The following ITGA2 variants were observed in gnomAD, a reference collection of about 807,000 sequenced individuals.
ITGA2 encodes the protein integrin subunit alpha 2, also known as integrin alpha-2.
A neutral mutation model predicts 146.3 loss-of-function variants in ITGA2; 101 were observed. The ratio of observed to expected loss-of-function variants is 0.69; its 90% confidence interval spans 0.59 to 0.81. ITGA2 has a LOEUF of 0.81. Ranked by LOEUF, ITGA2 falls within the 40% of genes least tolerant of loss-of-function variation. ITGA2 has a pLI of 0.00. For missense variants in ITGA2, 1,281 were observed against 1,402.7 expected (o/e 0.91, Z 1.39); for synonymous variants, 477 against 487.1 (o/e 0.98, Z 0.27).
chr5:53,087,107 T>G, intron 28 of ITGA2, 66 bp downstream of exon 28: 1 of 1,083,564 alleles, frequency 9.2e-7, no homozygotes. Context: ...TCTAAAAGCC[T>G]GGGATAGTCA....
chr5:53,051,577 T>A lies in ITGA2; in HGVS notation c.779+18T>A, dbSNP rs1377406079. ...TATGCAAGGTAAGTTTTGGTGCTAA[T>A]AGGCCAATGTTTTCATAATGTAAAA... On this transcript the variant is annotated intron_variant, in intron 7 of 29. Transcript: ENST00000296585. 1 of 1,608,718 alleles carries A rather than the reference T, an allele frequency of 6.2e-7. No individual in the cohort carries two copies. The highest frequency in any genetic ancestry group is 8.5e-7 in the Non-Finnish European group (1 of 1,175,434).
At chr5:53,063,927 C>T (rs1259173789) in intron 13 of ITGA2, among the ~76,000 whole-genome samples, 3 of 151,642 alleles carry the variant, frequency 2.0e-5, no homozygotes, top group African/African-American at 4.8e-5. Flanking sequence ...CCGTGTCAAA[C>T]GCAGTAAAAA....
At position 53,093,820 on chromosome 5, in the gene ITGA2, A is replaced by G. The variant is rs1196651645; in HGVS notation, c.*3221A>G. On this transcript the variant is annotated 3_prime_UTR_variant, in exon 30 of 30. Transcript: ENST00000296585. ...AACTTGACTGCAACACAAGGCTTAT[A>G]AAATAGTAAGATAGTAAAATAGCTT... is the stretch of plus-strand genomic sequence containing the variant. The G allele has an allele frequency of 2.6e-5, 4 of 152,648 alleles. No homozygotes were observed. Among genetic ancestry groups the G allele is most frequent in the African/African-American group, 9.6e-5 (4 of 41,454 alleles). 9.5% of individuals were successfully genotyped at this position (152,648 alleles called of 1,614,324 possible).
rs762974637 is a variant in ITGA2, at chr5:53,042,152, C to T, written c.226C>T (p.Arg76Ter). 41 of 1,613,164 alleles carry T rather than the reference C, an allele frequency of 2.5e-5. No homozygotes were observed. Among genetic ancestry groups the T allele is most frequent in the Non-Finnish European group, 3.1e-5 (37 of 1,179,372 alleles). The change falls in exon 3 of 30, where the codon CGA (arginine) becomes TGA (stop). Residue 76 changes from arginine (R) to a stop codon, truncating the protein, a stop_gained. Coordinates refer to ENST00000296585, the MANE Select transcript of ITGA2 (RefSeq NM_002203.4). LOFTEE classifies it high-confidence loss of function. ...ACCCTGGAGTGGCTTTCCTGAGAACCGAATGGGAGATGTGTATAAATGTCC... is the reference window on the plus strand; with the variant it reads ...ACCCTGGAGTGGCTTTCCTGAGAACTGAATGGGAGATGTGTATAAATGTCC... The part of the protein sequence containing the change: ...GSPWSGFPEN[R>*]MGDVYKCPVD...
chr5:53,011,032 C>T lies in ITGA2; in HGVS notation c.65-15716C>T, dbSNP rs571451276. ...CACAGCCCCAAGAAGATAGAAGAAA[C>T]AAGAAATGGATTCTTCTCTGGAGCC... On this transcript the variant is annotated intron_variant, in intron 1 of 29. Transcript: ENST00000296585. Among the ~76,000 whole-genome samples, 15 of 152,226 alleles carry T rather than the reference C, an allele frequency of 9.9e-5. No individual in the cohort carries two copies. In the South Asian group the frequency reaches 3.1e-3, roughly 32 times the overall value.
At chr5:53,018,861 C>T (rs188180639) in intron 1 of ITGA2, among the ~76,000 whole-genome samples, 2 of 152,110 alleles carry the variant, frequency 1.3e-5, no homozygotes, top group Middle Eastern at 3.4e-3. Flanking sequence ...GTCAGGAATT[C>T]GAGACCAGCT....
At chr5:53,033,985 G>A (rs1240655584) in intron 2 of ITGA2, among the ~76,000 whole-genome samples, 1 of 151,774 alleles carries the variant, frequency 6.6e-6, no homozygotes, top group African/African-American at 2.4e-5. Context: ...GGCTGATCTC[G>A]AACTCCTGGC....
At chr5:53,002,514 A>G (rs770663218) in intron 1 of ITGA2, among the ~76,000 whole-genome samples, 1 of 152,160 alleles carries the variant, frequency 6.6e-6, no homozygotes, top group African/African-American at 2.4e-5. Flanking sequence ...ATCACTTAAT[A>G]TATTTTGTAT....
At chr5:53,083,545 C>G in intron 27 of ITGA2, 92 bp downstream of exon 27, 1 of 841,858 alleles carries the variant, frequency 1.2e-6, no homozygotes, top group Admixed American at 1.8e-5. Context: ...AATAAGTATT[C>G]TGGCTAATGT....
In ITGA2 at chr5:53,058,118, G is replaced by A. The variant is rs749345041; in HGVS notation, c.1173+17G>A. ...TCTCAAAATGTGCGTATATCAGATA[G>A]CTTCAAGCCATGTTGTCATTTGGCA... On this transcript the variant is annotated intron_variant, in intron 10 of 29. Coordinates refer to ENST00000296585, the MANE Select transcript of ITGA2 (RefSeq NM_002203.4). 1.3e-6 allele frequency: 2 copies of A among 1,581,684 alleles called. No individual in the cohort carries two copies. Among genetic ancestry groups the A allele is most frequent in the South Asian group, 2.2e-5 (2 of 90,422 alleles).
intron 1 of ITGA2, among the ~76,000 whole-genome samples, chr5:52,997,368 A>G (rs372907856): frequency 2.6e-5 from 4 of 152,214 alleles, no homozygotes; most frequent in African/African-American, 9.6e-5. Context: ...CAGAAGCCAT[A>G]TATAACTCCT....
At chr5:53,004,792 G>T (rs1741744953) in intron 1 of ITGA2, among the ~76,000 whole-genome samples, 1 of 146,338 alleles carries the variant, frequency 6.8e-6, no homozygotes, top group East Asian at 2.1e-4. Flanking sequence ...CTAATGTTTT[G>T]TTTAAGGACT....
At chr5:53,076,085 A>C (rs983146620) in intron 23 of ITGA2, among the ~76,000 whole-genome samples, 1 of 151,996 alleles carries the variant, frequency 6.6e-6, no homozygotes, top group Non-Finnish European at 1.5e-5. Flanking sequence ...ACTCACACTT[A>C]GAAGTAAGGT....
At chr5:53,007,692 C>T (rs1741928156) in intron 1 of ITGA2, among the ~76,000 whole-genome samples, 1 of 152,134 alleles carries the variant, frequency 6.6e-6, no homozygotes, top group Non-Finnish European at 1.5e-5. Context: ...CAGATGGTGG[C>T]TTACCCTCCA....
chr5:53,039,058 A>G (rs1743648150), intron 2 of ITGA2, among the ~76,000 whole-genome samples: 1 of 152,186 alleles, frequency 6.6e-6, no homozygotes, highest in South Asian at 2.1e-4. Flanking sequence ...ATGCCACTGC[A>G]CTCCAGCCTG....
At chr5:53,061,471 TGAG>T (rs1445786802) in intron 12 of ITGA2, among the ~76,000 whole-genome samples, 2 of 151,966 alleles carry the variant, frequency 1.3e-5, no homozygotes, top group South Asian at 2.1e-4. Context: ...GAGGAAATAA[TGAG>T]AAGAAGGGAG....
intron 7 of ITGA2, 44 bp from the exon 8 acceptor site, chr5:53,055,494 T>G: frequency 2.5e-6 from 4 of 1,591,346 alleles, no homozygotes; most frequent in Non-Finnish European, 3.4e-6. Flanking sequence ...CATATTAACT[T>G]CATATTTTGA....
chr5:53,072,069 C>A (rs774365921), intron 18 of ITGA2, 21 bp downstream of exon 18: 1 of 1,499,492 alleles, frequency 6.7e-7, no homozygotes, highest in South Asian at 1.1e-5. Flanking sequence ...CTTACACTTC[C>A]TGGATTTAGA....
intron 1 of ITGA2, among the ~76,000 whole-genome samples, chr5:53,003,785 T>C (rs937515127): frequency 3.3e-5 from 5 of 152,278 alleles, no homozygotes; most frequent in African/African-American, 1.2e-4. Flanking sequence ...ATAAACTTAA[T>C]GGTCCTCGAC....
Sources: allele counts gnomAD v4.1 joint callset (sites outside exome capture counted in the v4.1 genomes callset), GRCh38; gene constraint gnomAD v4.1.1; transcripts MANE v1.5; gene names NCBI Gene and HGNC (gene_info 2026-07-23, HGNC 2026-07-21).